The following SDCCAG8 variants were observed in gnomAD, a reference collection of about 807,000 sequenced individuals.
SDCCAG8 encodes serologically defined colon cancer antigen 8.
A neutral mutation model predicts 101.8 loss-of-function variants in SDCCAG8; 74 were observed. The observed-to-expected ratio is 0.73, with a 90% CI of 0.60 to 0.88. SDCCAG8 has a LOEUF of 0.88. Ranked by LOEUF, SDCCAG8 falls within the 40% of genes least tolerant of loss-of-function variation. SDCCAG8 has a pLI of 0.00. For synonymous variants in SDCCAG8, 281 were observed against 292.9 expected (o/e 0.96, Z 0.41); for missense variants, 787 against 822.6 (o/e 0.96, Z 0.53).
intron 1 of SDCCAG8, among the ~76,000 whole-genome samples, chr1:243,259,786 G>C (rs1196558187): frequency 6.6e-6 from 1 of 152,144 alleles, no homozygotes; most frequent in Non-Finnish European, 1.5e-5. Context: ...AGTGTGCTGA[G>C]ATCGCGCCAC....
chr1:243,257,582 A>G (rs1232003623), intron 1 of SDCCAG8, among the ~76,000 whole-genome samples: 1 of 152,228 alleles, frequency 6.6e-6, no homozygotes, highest in African/African-American at 2.4e-5. Flanking sequence ...TTGTTACTTA[A>G]AGCAAAGTGA....
chr1:243,281,043 T>C (rs76138047), intron 4 of SDCCAG8, among the ~76,000 whole-genome samples: 5,460 of 152,284 alleles, frequency 0.036, 131 homozygotes, highest in Middle Eastern at 0.14. Flanking sequence ...CTCATACATT[T>C]TGATACACTT....
intron 16 of SDCCAG8, among the ~76,000 whole-genome samples, chr1:243,487,285 G>T (rs971186219): frequency 3.9e-5 from 6 of 152,364 alleles, no homozygotes; most frequent in African/African-American, 1.2e-4. Flanking sequence ...CTGGGGCCTT[G>T]CAGGAGAGCT....
chr1:243,295,977 A>G (rs923905176), intron 6 of SDCCAG8, among the ~76,000 whole-genome samples: 11 of 151,836 alleles, frequency 7.2e-5, no homozygotes, highest in African/African-American at 2.7e-4. Context: ...TCTTTTCCCT[A>G]TCAATGGTTT....
At chr1:243,375,635 C>T (rs992062000) in intron 12 of SDCCAG8, among the ~76,000 whole-genome samples, 2 of 152,100 alleles carry the variant, frequency 1.3e-5, no homozygotes, top group Non-Finnish European at 1.5e-5. Context: ...GCCCAGTTAG[C>T]CAAAAGATGG....
Position 243,393,236 on chromosome 1 carries a change from G to C in SDCCAG8, c.1616+14373G>C, listed in dbSNP as rs561569340. ...GTGTTAGCACTTTGGGGTAAGGATG[G>C]TAGCCGGGTGCCAGGTAGGAGGGCA... On this transcript the variant is annotated intron_variant, in intron 13 of 17. Transcript: ENST00000366541. Among the ~76,000 whole-genome samples, 7 of 152,314 alleles carry C rather than the reference G, an allele frequency of 4.6e-5. No homozygotes were observed. The East Asian group carries it at 1.4e-3, about 29-fold the overall frequency.
intron 2 of SDCCAG8, among the ~76,000 whole-genome samples, 184 bp from the exon 3 acceptor site, chr1:243,270,794 A>T (rs1372213881): frequency 1.3e-5 from 2 of 151,246 alleles, no homozygotes; most frequent in Admixed American, 6.6e-5. Context: ...TCCTTGCTAG[A>T]TTCTTAGCTC....
chr1:243,429,982 C>A (rs2081612055), intron 16 of SDCCAG8, among the ~76,000 whole-genome samples: 1 of 152,042 alleles, frequency 6.6e-6, no homozygotes, highest in African/African-American at 2.4e-5. Flanking sequence ...CAGGCATGAG[C>A]CACCATGCCT....
At chr1:243,382,238 C>T (rs2078003694) in intron 13 of SDCCAG8, among the ~76,000 whole-genome samples, 1 of 152,100 alleles carries the variant, frequency 6.6e-6, no homozygotes, top group Non-Finnish European at 1.5e-5. Context: ...ACATGATTGA[C>T]TTTCTGGGTT....
At chr1:243,307,596 T>C in intron 7 of SDCCAG8, 1 of 984,938 alleles carries the variant, frequency 1.0e-6, no homozygotes, top group Non-Finnish European at 1.2e-6. Flanking sequence ...TCAAGTATGT[T>C]GTCTTATATT....
intron 15 of SDCCAG8, among the ~76,000 whole-genome samples, chr1:243,418,484 T>A (rs957968401): frequency 2.0e-5 from 3 of 152,224 alleles, no homozygotes; most frequent in Admixed American, 6.5e-5. Flanking sequence ...AGATGAAATG[T>A]GTATATATAA....
At chr1:243,350,725 C>A (rs747269696) in intron 12 of SDCCAG8, among the ~76,000 whole-genome samples, 1 of 152,160 alleles carries the variant, frequency 6.6e-6, no homozygotes, top group Non-Finnish European at 1.5e-5. Context: ...AACTACAAAT[C>A]ACAATAGCCT....
At chr1:243,489,832 TAGATCCGGG>T (rs1377417701) in intron 17 of SDCCAG8, among the ~76,000 whole-genome samples, 2 of 152,206 alleles carry the variant, frequency 1.3e-5, no homozygotes, top group Non-Finnish European at 2.9e-5. Context: ...CCATTCAGGT[TAGATCCGGG>T]GCCACCAGCA....
chr1:243,256,104 G>C lies in SDCCAG8; in HGVS notation c.-70G>C, dbSNP rs2066628789. 1 of 1,475,920 alleles carries C rather than the reference G, an allele frequency of 6.8e-7. No homozygotes were observed. Among genetic ancestry groups the C allele is most frequent in the Non-Finnish European group, 9.5e-7 (1 of 1,054,152 alleles). 91.4% of individuals were successfully genotyped at this position (1,475,920 alleles called of 1,614,324 possible). A position where few individuals can be genotyped will look rare whatever the true frequency, so the allele number is the denominator to read the frequency against. On this transcript the variant is annotated 5_prime_UTR_variant, in exon 1 of 18. Coordinates refer to ENST00000366541, the MANE Select transcript of SDCCAG8 (RefSeq NM_006642.5). ...GCGGGCGCTCCCCGGCCACAGGCCT[G>C]TTGTTCTCGGAAGGGAGAAAGCTGG...
At chr1:243,308,764 T>G (rs1558271345) in intron 8 of SDCCAG8, among the ~76,000 whole-genome samples, 1 of 152,234 alleles carries the variant, frequency 6.6e-6, no homozygotes, top group Non-Finnish European at 1.5e-5. Flanking sequence ...TACATCTGTT[T>G]TGTTGTTTTC....
In SDCCAG8 at chr1:243,416,091, A is replaced by G. The variant is rs1390353364; in HGVS notation, c.1744+262A>G. On this transcript the variant is annotated intron_variant, in intron 14 of 17. Coordinates refer to ENST00000366541, the MANE Select transcript of SDCCAG8 (RefSeq NM_006642.5). The surrounding 1 kb of genome is among the most constrained non-coding windows in gnomAD (Gnocchi z 4.3). ...TTATGAGTTTATTTACCTGTGTTCAAGAAACGTAAAGCTGAGAGAGACCAC... is the reference window on the plus strand; with the variant it reads ...TTATGAGTTTATTTACCTGTGTTCAGGAAACGTAAAGCTGAGAGAGACCAC... Among the ~76,000 whole-genome samples the G allele has an allele frequency of 6.6e-6, 1 of 152,228 alleles. No homozygotes were observed. Among genetic ancestry groups the G allele is most frequent in the Admixed American group, 6.5e-5 (1 of 15,282 alleles).
chr1:243,497,111 G>A (rs1288690373), intron 17 of SDCCAG8, among the ~76,000 whole-genome samples: 3 of 152,192 alleles, frequency 2.0e-5, no homozygotes, highest in African/African-American at 7.2e-5. Context: ...TGATCACTGT[G>A]GTGTTGATGA....
intron 13 of SDCCAG8, among the ~76,000 whole-genome samples, chr1:243,399,339 A>G (rs975884680): frequency 8.6e-5 from 13 of 152,016 alleles, no homozygotes; most frequent in African/African-American, 3.1e-4. Context: ...CCCCATTAAA[A>G]CCCTTCAGTG....
intron 1 of SDCCAG8, among the ~76,000 whole-genome samples, 188 bp from the exon 2 acceptor site, chr1:243,269,917 A>C (rs917180721): frequency 6.6e-6 from 1 of 152,176 alleles, no homozygotes; most frequent in Non-Finnish European, 1.5e-5. Flanking sequence ...CCTACCTCTA[A>C]ACCATGAAGT....
Sources: gnomAD v4.1 joint callset for allele counts (sites outside exome capture counted in the v4.1 genomes callset) on GRCh38, gnomAD v4.1.1 for gene constraint, Gnocchi (gnomAD v3.1) non-coding constraint, MANE v1.5 for transcripts, NCBI Gene and HGNC (gene_info 2026-07-23, HGNC 2026-07-21) for gene names.